Variants in PAX9 observed in about 807,000 individuals in gnomAD.
PAX9 encodes paired box 9.
In PAX9, 6 loss-of-function variants were observed where a neutral mutation model predicts 29.1. That is an observed-to-expected ratio of 0.21 (90% confidence interval 0.11 to 0.41). PAX9 has a LOEUF of 0.41. Ranked by LOEUF, PAX9 falls within the 10% of genes least tolerant of loss-of-function variation. PAX9 has a pLI of 1.00. For missense variants in PAX9, 443 were observed against 479.1 expected (o/e 0.92, Z 0.70); for synonymous variants, 217 against 211.7 (o/e 1.03, Z -0.22).
intron 3 of PAX9, among the ~76,000 whole-genome samples, chr14:36,670,426 A>G (rs758556265): frequency 6.6e-6 from 1 of 152,066 alleles, no homozygotes; most frequent in Non-Finnish European, 1.5e-5. Flanking sequence ...TTGCACATGC[A>G]TTTGAAGTGA....
chr14:36,658,373 T>TGG (rs36065207), upstream of PAX9, among the ~76,000 whole-genome samples: 580 of 128,648 alleles, frequency 4.5e-3, 1 homozygote, highest in African/African-American at 0.011. Flanking sequence ...GGGCCTCGCT[T>TGG]GGGGGGGGGG....
At position 36,677,527 on chromosome 14, in the gene PAX9, TTG is replaced by T. The variant is rs1174624962; in HGVS notation, c.*1079_*1080del. On this transcript the variant is annotated 3_prime_UTR_variant, in exon 4 of 4. Coordinates refer to ENST00000361487, the MANE Select transcript of PAX9 (RefSeq NM_001372076.1). ...TTTGCAAAGATGCTTAAAATGAACT[TTG>T]TGTTAAGAAAACCACTGTGAAACTA... The T allele has an allele frequency of 3.9e-5, 6 of 152,204 alleles. No homozygotes were observed. Among genetic ancestry groups the T allele is most frequent in the Non-Finnish European group, 8.8e-5 (6 of 68,026 alleles). The allele number at this position is 152,204 out of a possible 1,614,324, so 9.4% of individuals were successfully genotyped here. A position where few individuals can be genotyped will look rare whatever the true frequency, so the allele number is the denominator to read the frequency against.
In PAX9 at chr14:36,677,709, A is replaced by T. The variant is rs1206883773; in HGVS notation, c.*1257A>T. On this transcript the variant is annotated 3_prime_UTR_variant, in exon 4 of 4. Transcript: ENST00000361487. ...TTGTACAGAAGCATGTTTCGCATGT[A>T]GGTAAACTGGTGGTGGTACTAGAAA... 3.9e-5 allele frequency: 6 copies of T among 152,260 alleles called. No homozygotes were observed. The highest frequency in any genetic ancestry group is 1.4e-4 in the African/African-American group (6 of 41,476). The allele number at this position is 152,260 out of a possible 1,614,324, so 9.4% of individuals were successfully genotyped here.
Position 36,679,286 on chromosome 14 carries a change from T to C in PAX9, c.*2834T>C. The C allele has an allele frequency of 1.0e-6, 1 of 978,940 alleles. No homozygotes were observed. The highest frequency in any genetic ancestry group is 1.2e-6 in the Non-Finnish European group (1 of 824,072). The allele number at this position is 978,940 out of a possible 1,614,324, so 60.6% of individuals were successfully genotyped here. ...GGAAAGGATGTACAACAGAAGGCTA[T>C]GTATGTATATACAGTATGTCAAAAG... On this transcript the variant is annotated 3_prime_UTR_variant, in exon 4 of 4. Coordinates refer to ENST00000361487, the MANE Select transcript of PAX9 (RefSeq NM_001372076.1).
intron 3 of PAX9, among the ~76,000 whole-genome samples, chr14:36,674,032 T>A (rs11156926): frequency 0.16 from 24,300 of 152,196 alleles, 2,701 homozygotes; most frequent in African/African-American, 0.3. Context: ...AACTCATTTA[T>A]CATAGATTAT....
At chr14:36,665,705 G>A (rs1334689238) in intron 2 of PAX9, among the ~76,000 whole-genome samples, 2 of 151,584 alleles carry the variant, frequency 1.3e-5, no homozygotes, top group African/African-American at 4.9e-5. Flanking sequence ...TCTCTTTCTT[G>A]TATATACATT....
intron 3 of PAX9, among the ~76,000 whole-genome samples, chr14:36,671,761 G>A (rs1021236847): frequency 3.3e-5 from 5 of 152,106 alleles, no homozygotes; most frequent in Non-Finnish European, 4.4e-5. Flanking sequence ...TGGAACAAAC[G>A]AAATTAAAAC....
rs555784150 is a variant in PAX9 at position 36,679,091 on chromosome 14, C to T, written c.*2639C>T. The T allele has an allele frequency of 1.9e-5, 19 of 985,440 alleles. No homozygotes were observed. In the African/African-American group the frequency reaches 3.0e-4, roughly 15 times the overall value. The allele number at this position is 985,440 out of a possible 1,614,324, so 61.0% of individuals were successfully genotyped here. On this transcript the variant is annotated 3_prime_UTR_variant, in exon 4 of 4. Transcript: ENST00000361487. ...AGAGGTTAAAGGTTCAATTTCATGA[C>T]CTCTATGCAGGCAGCGCTCTCATTG...
Position 36,672,852 on chromosome 14 carries a change from C to CTTTTTTTT in PAX9, c.772-3323_772-3316dup, listed in dbSNP as rs3061562. Among the ~76,000 whole-genome samples, 146 of 19,162 alleles carry CTTTTTTTT rather than the reference C, an allele frequency of 7.6e-3. 53 individuals carry two copies. Among genetic ancestry groups the CTTTTTTTT allele is most frequent in the Non-Finnish European group, 0.011 (113 of 10,448 alleles). The allele number at this position is 19,162 out of a possible 152,430, so 12.6% of individuals were successfully genotyped here. On this transcript the variant is annotated intron_variant, in intron 3 of 3. Transcript: ENST00000361487. Reference sequence around the variant, plus strand: ...TTCTTTTTTCTTTCTTTCTTTCTTCCTTTTTTTTTTTTTTTTTTTTTTTTT... The same window carrying CTTTTTTTT: ...TTCTTTTTTCTTTCTTTCTTTCTTCCTTTTTTTTTTTTTTTTTTTTTTTTTTTTTTTTT...
At chr14:36,657,686 A>T (rs929234927), upstream of PAX9, 2 of 152,048 alleles carry the variant, frequency 1.3e-5, no homozygotes, top group African/African-American at 4.8e-5. Context: ...GCCGGGACGC[A>T]TTTCCGAGCT....
chr14:36,674,653 A>G (rs1881817087), intron 3 of PAX9, among the ~76,000 whole-genome samples: 1 of 152,172 alleles, frequency 6.6e-6, no homozygotes, highest in Non-Finnish European at 1.5e-5. Flanking sequence ...GAACTATATA[A>G]TTCATTAATA....
In PAX9 at chr14:36,678,735, C is replaced by T. The variant is rs137952758; in HGVS notation, c.*2283C>T. 54 of 1,165,724 alleles carry T rather than the reference C, an allele frequency of 4.6e-5. No individual in the cohort carries two copies. In the Admixed American group the frequency reaches 6.7e-4, roughly 15 times the overall value. The allele number at this position is 1,165,724 out of a possible 1,614,324, so 72.2% of individuals were successfully genotyped here. A position where few individuals can be genotyped will look rare whatever the true frequency, so the allele number is the denominator to read the frequency against. On this transcript the variant is annotated 3_prime_UTR_variant, in exon 4 of 4. Transcript: ENST00000361487. ...AATTAAGAAATCTCTTGTTATTGTG[C>T]TATTTATAATTTTTTTCTGGTTCTT... is the stretch of plus-strand genomic sequence containing the variant.
At position 36,663,206 on chromosome 14, in the gene PAX9, G is replaced by A. The variant is rs752908209; in HGVS notation, c.314G>A (p.Arg105His). The stretch of plus-strand genomic sequence containing the variant: ...ATCTTCGCCTGGGAGATCCGGGACC[G>A]CCTGCTGGCGGACGGCGTGTGCGAC... ...PGIFAWEIRD[R>H]LLADGVCDKY... Residue 105 changes from arginine (R) to histidine (H), a missense_variant, in exon 2 of 4, where the codon CGC (arginine) becomes CAC (histidine). Physicochemically the swap from Arg to His is conservative, Grantham distance 29. Transcript: ENST00000361487. The A allele has an allele frequency of 1.9e-6, 3 of 1,614,084 alleles. No individual in the cohort carries two copies. Among genetic ancestry groups the A allele is most frequent in the Admixed American group, 1.7e-5 (1 of 60,032 alleles).
At chr14:36,666,214 A>T in intron 2 of PAX9, 1 of 538,506 alleles carries the variant, frequency 1.9e-6, no homozygotes, top group Non-Finnish European at 3.3e-6. Context: ...AAAAGAAAAA[A>T]GTGTCTTCCC....
In PAX9 at chr14:36,677,185, C is replaced by G. The variant is rs998686173; in HGVS notation, c.*733C>G. On this transcript the variant is annotated 3_prime_UTR_variant, in exon 4 of 4. Coordinates refer to ENST00000361487, the MANE Select transcript of PAX9 (RefSeq NM_001372076.1). ...CCCTCCCCTCAGCCCCACCCCCTCTCTATTTTTTTCTTTCTTTTTTGCAAA... is the reference window on the plus strand; with the variant it reads ...CCCTCCCCTCAGCCCCACCCCCTCTGTATTTTTTTCTTTCTTTTTTGCAAA... 6.6e-5 allele frequency: 10 copies of G among 152,396 alleles called. No homozygotes were observed. Among genetic ancestry groups the G allele is most frequent in the Non-Finnish European group, 1.5e-4 (10 of 68,142 alleles). The allele number at this position is 152,396 out of a possible 1,614,324, so 9.4% of individuals were successfully genotyped here.
intron 3 of PAX9, among the ~76,000 whole-genome samples, chr14:36,675,724 T>C (rs1234904807): frequency 6.6e-6 from 1 of 152,212 alleles, no homozygotes; most frequent in Non-Finnish European, 1.5e-5. Context: ...GTTTCTAACA[T>C]GACAGGCTGC....
intron 3 of PAX9, among the ~76,000 whole-genome samples, chr14:36,673,255 G>A (rs964626046): frequency 6.6e-6 from 1 of 152,054 alleles, no homozygotes; most frequent in South Asian, 2.1e-4. Flanking sequence ...TCACTAAAAT[G>A]ATACTAAATA....
chr14:36,662,343 G>A (rs1393048302), intron 1 of PAX9, among the ~76,000 whole-genome samples: 1 of 152,176 alleles, frequency 6.6e-6, no homozygotes, highest in Admixed American at 6.5e-5. Flanking sequence ...GGGAGCTGTG[G>A]CATCAGCGAG....
chr14:36,674,134 A>G (rs373377449), intron 3 of PAX9, among the ~76,000 whole-genome samples: 2 of 152,218 alleles, frequency 1.3e-5, no homozygotes, highest in African/African-American at 4.8e-5. Flanking sequence ...CTATCTTGAT[A>G]CCCATCTCCT....
Sources: allele counts gnomAD v4.1 joint callset (sites outside exome capture counted in the v4.1 genomes callset), GRCh38; gene constraint gnomAD v4.1.1; transcripts MANE v1.5; gene names NCBI Gene and HGNC (gene_info 2026-07-23, HGNC 2026-07-21).